The following CUX2 variants were observed in gnomAD, a reference collection of about 807,000 sequenced individuals.
CUX2 encodes the protein cut like homeobox 2, also known as homeobox protein cut-like 2.
CUX2 carries 40 observed loss-of-function variants against 144.8 expected under a neutral mutation model. The ratio of observed to expected loss-of-function variants is 0.28; its 90% CI spans 0.21 to 0.36. The LOEUF is 0.36. Among genes scored for constraint, CUX2 ranks in the 10% least tolerant of loss-of-function variants. The pLI is 1.00. For missense variants in CUX2, 1,615 were observed against 1,994.0 expected, an observed-to-expected ratio of 0.81 and a Z score of 3.62; for synonymous variants, 827 against 875.6, an observed-to-expected ratio of 0.94 and a Z score of 0.98.
rs112860835 is a variant in CUX2, at chr12:111,226,036, C to T, written c.222+8099C>T. On this transcript the variant is annotated intron_variant, in intron 3 of 21. Transcript: ENST00000261726. ...TCAGCTCACTGCAACCTCCGCCTCC[C>T]GGGTTCAAGCAATTCTGGTGCCTCA... Among the ~76,000 whole-genome samples the T allele has an allele frequency of 7.6e-3, 1,165 of 152,316 alleles. 27 individuals carry two copies. The highest frequency in any genetic ancestry group is 0.026 in the African/African-American group (1,097 of 41,572).
At chr12:111,216,440 T>G (rs1881534546) in intron 2 of CUX2, among the ~76,000 whole-genome samples, 1 of 152,234 alleles carries the variant, frequency 6.6e-6, no homozygotes, top group Non-Finnish European at 1.5e-5. Context: ...TCTTTCGAAC[T>G]TTACGGTGGG....
intron 3 of CUX2, among the ~76,000 whole-genome samples, chr12:111,230,033 T>C (rs1310990907): frequency 1.4e-5 from 2 of 146,694 alleles, no homozygotes; most frequent in African/African-American, 5.1e-5. Flanking sequence ...AAAAAAAAAA[T>C]TTCCAGCTAC....
rs764809356 is a variant in CUX2, at chr12:111,322,379, C to T, written c.2767-42C>T. 2.0e-6 allele frequency: 3 copies of T among 1,514,044 alleles called. No individual in the cohort carries two copies. Among genetic ancestry groups the T allele is most frequent in the South Asian group, 1.2e-5 (1 of 82,298 alleles). 93.8% of individuals were successfully genotyped at this position (1,514,044 alleles called of 1,614,324 possible). On this transcript the variant is annotated intron_variant, in intron 17 of 21. Coordinates refer to ENST00000261726, the MANE Select transcript of CUX2 (RefSeq NM_015267.4). This position sits in a 1 kb window ranked among gnomAD's most constrained non-coding sequence, Gnocchi z 4.2. Reference sequence around the variant, plus strand: ...GGAGAGTGAGGGCCAGGCCCATGTCCCAGGGGCCTGCTGACCTACCCCCCT... The same window carrying T: ...GGAGAGTGAGGGCCAGGCCCATGTCTCAGGGGCCTGCTGACCTACCCCCCT...
At chr12:111,199,354 C>A (rs1057208041) in intron 1 of CUX2, among the ~76,000 whole-genome samples, 5 of 152,152 alleles carry the variant, frequency 3.3e-5, no homozygotes, top group African/African-American at 1.2e-4. Flanking sequence ...CTACTCTGGG[C>A]AGCTCAGTGT....
chr12:111,244,331 G>A (rs528603193), intron 3 of CUX2, among the ~76,000 whole-genome samples: 8 of 152,332 alleles, frequency 5.3e-5, no homozygotes, highest in Admixed American at 1.3e-4. Flanking sequence ...CACCCCTAGT[G>A]GGGAAGTACC....
At chr12:111,236,185 A>T (rs1882733831) in intron 3 of CUX2, among the ~76,000 whole-genome samples, 1 of 152,192 alleles carries the variant, frequency 6.6e-6, no homozygotes, top group Non-Finnish European at 1.5e-5. Context: ...GATCCTTGTT[A>T]TCACCATCAT....
chr12:111,264,324 A>G (rs1172238969), intron 4 of CUX2, among the ~76,000 whole-genome samples: 3 of 152,214 alleles, frequency 2.0e-5, no homozygotes, highest in Non-Finnish European at 4.4e-5. Context: ...CTAAAAACAG[A>G]CAATTAATGT....
At chr12:111,326,670 G>A (rs929847396) in intron 18 of CUX2, among the ~76,000 whole-genome samples, 7 of 151,992 alleles carry the variant, frequency 4.6e-5, no homozygotes, top group African/African-American at 9.7e-5. Context: ...TTGGGAGGCC[G>A]AGGCGGGCCG....
Position 111,178,896 on chromosome 12 carries a change from T to C in CUX2, c.64-35304T>C, listed in dbSNP as rs897896456. 1.2e-4 allele frequency among the ~76,000 whole-genome samples: 18 copies of C among 151,986 alleles called. No homozygotes were observed. The highest frequency in any genetic ancestry group is 3.9e-4 in the African/African-American group (16 of 41,356). On this transcript the variant is annotated intron_variant, in intron 1 of 21. Coordinates refer to ENST00000261726, the MANE Select transcript of CUX2 (RefSeq NM_015267.4). This position sits in a 1 kb window ranked among gnomAD's most constrained non-coding sequence, Gnocchi z 5.7. ...GCCAGGTCCAGGAGCGTGTCTGGAC[T>C]CTGTAACGGGGAATGACAGCAAGGG...
At chr12:111,339,754 A>T (rs1888503795) in intron 20 of CUX2, 1 of 152,254 alleles carries the variant, frequency 6.6e-6, no homozygotes. Flanking sequence ...TGACCCAGGG[A>T]CACGCCAGAC....
intron 1 of CUX2, among the ~76,000 whole-genome samples, chr12:111,066,744 T>C (rs1220413396): frequency 3.3e-5 from 5 of 152,144 alleles, no homozygotes; most frequent in Non-Finnish European, 7.3e-5. Context: ...GGTGTCAGGG[T>C]GAAGAGCTCT....
chr12:111,329,659 G>T (rs920488852), intron 18 of CUX2, among the ~76,000 whole-genome samples: 1 of 152,084 alleles, frequency 6.6e-6, no homozygotes. Context: ...TTTTCGAGGT[G>T]GAGTCTTGTT....
intron 1 of CUX2, among the ~76,000 whole-genome samples, chr12:111,099,001 CG>C (rs1271097830): frequency 6.6e-6 from 1 of 152,176 alleles, no homozygotes; most frequent in Non-Finnish European, 1.5e-5. Context: ...GAGTAGGAGC[CG>C]GGAGGCCTCT....
intron 18 of CUX2, among the ~76,000 whole-genome samples, chr12:111,333,884 C>T (rs1592980597): frequency 6.7e-6 from 1 of 149,910 alleles, no homozygotes; most frequent in Non-Finnish European, 1.5e-5. Context: ...GGCTACTTTT[C>T]CCTTTGTAAT....
At chr12:111,225,847 A>G (rs893972285) in intron 3 of CUX2, among the ~76,000 whole-genome samples, 7 of 152,244 alleles carry the variant, frequency 4.6e-5, no homozygotes, top group African/African-American at 1.7e-4. Flanking sequence ...TATCCAGCCC[A>G]GAACTTGGTA....
rs944002795 is a variant in CUX2 at position 111,132,233 on chromosome 12, C to T, written c.64-81967C>T. Among the ~76,000 whole-genome samples, 94 of 152,200 alleles carry T rather than the reference C, an allele frequency of 6.2e-4. 2 individuals carry two copies. Among genetic ancestry groups the T allele is most frequent in the Non-Finnish European group, 1.3e-4 (9 of 68,034 alleles). ...CTCTGAAGCCATGGCCCGAGCTGTA[C>T]ACTGGCCCCTTTCAGCCATGGCTGG... On this transcript the variant is annotated intron_variant, in intron 1 of 21. Transcript: ENST00000261726.
At chr12:111,327,507 G>C (rs190662443) in intron 18 of CUX2, among the ~76,000 whole-genome samples, 1 of 152,268 alleles carries the variant, frequency 6.6e-6, no homozygotes, top group African/African-American at 2.4e-5. Context: ...ATTTGTTGAC[G>C]CTAGCCATCC....
At chr12:111,232,557 T>C (rs1882529667) in intron 3 of CUX2, among the ~76,000 whole-genome samples, 1 of 152,096 alleles carries the variant, frequency 6.6e-6, no homozygotes, top group Admixed American at 6.5e-5. Flanking sequence ...GTAGATTATA[T>C]GCAAACAATA....
intron 18 of CUX2, among the ~76,000 whole-genome samples, chr12:111,333,996 G>C (rs1888229867): frequency 6.6e-6 from 1 of 151,906 alleles, no homozygotes; most frequent in Admixed American, 6.6e-5. Context: ...GACCATCCTG[G>C]CTAACATGGT....
Sources: allele counts gnomAD v4.1 joint callset (sites outside exome capture counted in the v4.1 genomes callset), GRCh38; gene constraint gnomAD v4.1.1; non-coding constraint Gnocchi (gnomAD v3.1); transcripts MANE v1.5; gene names NCBI Gene and HGNC (gene_info 2026-07-23, HGNC 2026-07-21).